Variants in UNC5C observed in about 807,000 individuals in gnomAD.
UNC5C encodes netrin receptor UNC5C.
UNC5C carries 47 observed loss-of-function variants against 99.8 expected under a neutral mutation model. The observed-to-expected ratio is 0.47, with a 90% CI of 0.37 to 0.60. The LOEUF is 0.60. Ranked by LOEUF, UNC5C falls within the 20% of genes least tolerant of loss-of-function variation. UNC5C has a pLI of 0.00. For missense variants in UNC5C, 1,062 were observed against 1,165.9 expected (o/e 0.91, Z 1.30); for synonymous variants, 487 against 452.2 (o/e 1.08, Z -0.98).
intron 1 of UNC5C, among the ~76,000 whole-genome samples, chr4:95,452,090 A>G (rs1205644756): frequency 2.0e-5 from 3 of 152,192 alleles, no homozygotes; most frequent in African/African-American, 7.2e-5. Flanking sequence ...TGTATATGGT[A>G]CATTATTTTA....
chr4:95,355,427 C>T (rs1010455603), intron 1 of UNC5C, among the ~76,000 whole-genome samples: 2 of 152,118 alleles, frequency 1.3e-5, no homozygotes, highest in South Asian at 2.1e-4. Flanking sequence ...CTTTTCTCTC[C>T]TGTGCCTGGT....
intron 1 of UNC5C, among the ~76,000 whole-genome samples, chr4:95,341,375 G>T (rs939140152): frequency 9.2e-5 from 14 of 151,908 alleles, no homozygotes; most frequent in Non-Finnish European, 1.9e-4. Flanking sequence ...AAGTGGATTT[G>T]TACGTATTGA....
chr4:95,273,097 C>A (rs528581809), intron 4 of UNC5C, among the ~76,000 whole-genome samples: 1 of 152,318 alleles, frequency 6.6e-6, no homozygotes, highest in Admixed American at 6.5e-5. Flanking sequence ...GTAAAATAAT[C>A]TATTCTTTTG....
At chr4:95,173,963 G>C (rs1187672798) in intron 14 of UNC5C, among the ~76,000 whole-genome samples, 1 of 151,928 alleles carries the variant, frequency 6.6e-6, no homozygotes, top group East Asian at 1.9e-4. Flanking sequence ...TCCTGGTTTA[G>C]TCTTGGGAGA....
chr4:95,535,112 T>C (rs1264072387), intron 1 of UNC5C, among the ~76,000 whole-genome samples: 1 of 152,132 alleles, frequency 6.6e-6, no homozygotes, highest in African/African-American at 2.4e-5. Context: ...TAGAAATATA[T>C]TCTAGATTCA....
chr4:95,215,980 C>T (rs1053205775), intron 10 of UNC5C, 144 bp downstream of exon 10: 5 of 573,486 alleles, frequency 8.7e-6, no homozygotes, highest in African/African-American at 5.8e-5. Context: ...TAAAACCTGA[C>T]CTTTTGTAGG....
Position 95,167,467 on chromosome 4 carries a change from T to G in UNC5C, c.*1767A>C, listed in dbSNP as rs975583106. The stretch of plus-strand genomic sequence containing the variant: ...CTTTTATAAATGCTACTGAATATTA[T>G]GACAGCAAAGAAAGATTAAGGGTGG... On this transcript the variant is annotated 3_prime_UTR_variant, in exon 16 of 16. Transcript: ENST00000453304. 1.3e-5 allele frequency: 2 copies of G among 152,158 alleles called. No individual in the cohort carries two copies. The highest frequency in any genetic ancestry group is 2.9e-5 in the Non-Finnish European group (2 of 68,038). The allele number at this position is 152,158 out of a possible 1,614,324, so 9.4% of individuals were successfully genotyped here. A position where few individuals can be genotyped will look rare whatever the true frequency, so the allele number is the denominator to read the frequency against.
intron 1 of UNC5C, among the ~76,000 whole-genome samples, chr4:95,544,833 TC>T (rs1239944201): frequency 1.3e-5 from 2 of 152,202 alleles, no homozygotes; most frequent in African/African-American, 4.8e-5. Flanking sequence ...CCCACAATTT[TC>T]CCCATTATCT....
intron 1 of UNC5C, among the ~76,000 whole-genome samples, chr4:95,522,284 T>C (rs1222249872): frequency 6.6e-6 from 1 of 152,154 alleles, no homozygotes; most frequent in African/African-American, 2.4e-5. Flanking sequence ...GTTCATACAT[T>C]GGTACCCTCC....
chr4:95,312,528 T>C (rs10006465), intron 2 of UNC5C, among the ~76,000 whole-genome samples: 6,175 of 152,234 alleles, frequency 0.041, 405 homozygotes, highest in African/African-American at 0.14. Flanking sequence ...TAACAATCCT[T>C]GGGGATTCAT....
chr4:95,270,061 T>C (rs1740600751), intron 4 of UNC5C, among the ~76,000 whole-genome samples: 2 of 152,276 alleles, frequency 1.3e-5, no homozygotes, highest in South Asian at 4.1e-4. Flanking sequence ...TACTCTTCTG[T>C]AGACTTTCAC....
intron 1 of UNC5C, among the ~76,000 whole-genome samples, chr4:95,378,293 C>T (rs752714900): frequency 1.3e-5 from 2 of 152,128 alleles, no homozygotes; most frequent in Non-Finnish European, 2.9e-5. Flanking sequence ...AATTAAAAAT[C>T]AGATCCTTAG....
At chr4:95,451,547 A>G (rs970342601) in intron 1 of UNC5C, among the ~76,000 whole-genome samples, 5 of 152,202 alleles carry the variant, frequency 3.3e-5, no homozygotes, top group Non-Finnish European at 5.9e-5. Flanking sequence ...CATCATAAAT[A>G]TACATTAAGG....
chr4:95,252,676 G>T (rs1486870773), intron 4 of UNC5C, among the ~76,000 whole-genome samples: 4 of 152,158 alleles, frequency 2.6e-5, no homozygotes, highest in Non-Finnish European at 5.9e-5. Flanking sequence ...AATCTGAAAT[G>T]CTCCAAAATC....
chr4:95,512,798 A>AT (rs978240590), intron 1 of UNC5C, among the ~76,000 whole-genome samples: 4 of 152,134 alleles, frequency 2.6e-5, no homozygotes, highest in South Asian at 2.1e-4. Flanking sequence ...AGCAAAAGTA[A>AT]TTTTTTTATT....
chr4:95,385,929 G>C (rs1398202448), intron 1 of UNC5C, among the ~76,000 whole-genome samples: 2 of 152,054 alleles, frequency 1.3e-5, no homozygotes, highest in Non-Finnish European at 2.9e-5. Flanking sequence ...AAACCTAAAA[G>C]TTACTCTGTT....
At chr4:95,270,657 G>C (rs1397209760) in intron 4 of UNC5C, among the ~76,000 whole-genome samples, 1 of 152,104 alleles carries the variant, frequency 6.6e-6, no homozygotes, top group Non-Finnish European at 1.5e-5. Context: ...TAAAACCTAA[G>C]TTCAACTATG....
intron 1 of UNC5C, among the ~76,000 whole-genome samples, chr4:95,438,536 A>G (rs1240335794): frequency 4.6e-5 from 7 of 152,156 alleles, no homozygotes; most frequent in African/African-American, 1.7e-4. Context: ...TTGGTTTGCA[A>G]AAAATGTTTT....
intron 7 of UNC5C, among the ~76,000 whole-genome samples, chr4:95,240,942 C>A (rs1326859656): frequency 6.6e-6 from 1 of 151,758 alleles, no homozygotes; most frequent in Non-Finnish European, 1.5e-5. Flanking sequence ...TAAATATGCA[C>A]AATGGAAGTA....
Sources: gnomAD v4.1 joint callset for allele counts (sites outside exome capture counted in the v4.1 genomes callset) on GRCh38, gnomAD v4.1.1 for gene constraint, MANE v1.5 for transcripts, NCBI Gene and HGNC (gene_info 2026-07-23, HGNC 2026-07-21) for gene names.